The following KIAA1671 variants were observed in gnomAD, a reference collection of about 807,000 sequenced individuals.
KIAA1671 encodes KIAA1671.
A neutral mutation model predicts 131.2 loss-of-function variants in KIAA1671; 52 were observed. The observed-to-expected ratio is 0.40, with a 90% CI of 0.32 to 0.50. KIAA1671 has a LOEUF of 0.50. Ranked by LOEUF, KIAA1671 falls within the 20% of genes least tolerant of loss-of-function variation. KIAA1671 has a pLI of 0.73. For synonymous variants in KIAA1671, 1,003 were observed against 961.6 expected (o/e 1.04, Z -0.80); for missense variants, 2,360 against 2,364.2 (o/e 1.00, Z 0.04).
chr22:25,134,513 T>C (rs1932587916), intron 6 of KIAA1671, among the ~76,000 whole-genome samples: 4 of 152,216 alleles, frequency 2.6e-5, no homozygotes, highest in Non-Finnish European at 4.4e-5. Context: ...CAAAACAAAA[T>C]CATCTCCACA....
intron 1 of KIAA1671, among the ~76,000 whole-genome samples, chr22:24,973,102 G>A (rs771649826): frequency 1.1e-4 from 17 of 152,218 alleles, no homozygotes; most frequent in Non-Finnish European, 2.4e-4. Flanking sequence ...CAGGGAGCAA[G>A]GGGGAGAGGT....
intron 6 of KIAA1671, among the ~76,000 whole-genome samples, chr22:25,071,881 C>G (rs1928849604): frequency 6.6e-6 from 1 of 152,204 alleles, no homozygotes; most frequent in Non-Finnish European, 1.5e-5. Flanking sequence ...CCGCATGGAA[C>G]TTAGTCTGGT....
Position 25,107,424 on chromosome 22 carries a change from A to T in KIAA1671, c.4530+58060A>T, listed in dbSNP as rs1931070506. 2.1e-5 allele frequency among the ~76,000 whole-genome samples: 3 copies of T among 142,186 alleles called. No individual in the cohort carries two copies. The Admixed American group carries it at 2.2e-4, about 10-fold the overall frequency. The allele number at this position is 142,186 out of a possible 152,430, so 93.3% of individuals were successfully genotyped here. On this transcript the variant is annotated intron_variant, in intron 6 of 12. Coordinates refer to ENST00000358431, the MANE Select transcript of KIAA1671 (RefSeq NM_001145206.2). ...AGAGTGAGACTTCGTCTCAAAAAAA[A>T]GTGCTATGTGTGCTTTATAAAAATG... is the stretch of plus-strand genomic sequence containing the variant.
chr22:25,105,292 G>A (rs945798900), intron 6 of KIAA1671, among the ~76,000 whole-genome samples: 1 of 152,084 alleles, frequency 6.6e-6, no homozygotes, highest in African/African-American at 2.4e-5. Flanking sequence ...AAAGTGTTGG[G>A]ATTACGGGCA....
intron 11 of KIAA1671, among the ~76,000 whole-genome samples, chr22:25,189,668 A>T (rs892817584): frequency 3.9e-5 from 6 of 152,236 alleles, no homozygotes; most frequent in African/African-American, 1.4e-4. Flanking sequence ...GATGCATAAA[A>T]CTAACCATCA....
chr22:25,026,374 C>T (rs1435552970), intron 2 of KIAA1671, among the ~76,000 whole-genome samples: 1 of 151,942 alleles, frequency 6.6e-6, no homozygotes, highest in South Asian at 2.1e-4. Flanking sequence ...CCTGGGGGAT[C>T]GAGAACAGCA....
chr22:25,023,944 C>CG (rs1925803926), intron 1 of KIAA1671: 1 of 147,924 alleles, frequency 6.8e-6, no homozygotes, highest in Admixed American at 6.7e-5. Flanking sequence ...AACTCTGTTT[C>CG]AAAAAAAAAA....
At chr22:25,140,950 T>C (rs7291529) in intron 6 of KIAA1671, among the ~76,000 whole-genome samples, 11,213 of 152,126 alleles carry the variant, frequency 0.074, 1,338 homozygotes, top group African/African-American at 0.25. Context: ...AGTAGAGTTA[T>C]TTTTCAGGCT....
At chr22:24,969,995 G>A (rs935441059) in intron 1 of KIAA1671, among the ~76,000 whole-genome samples, 3 of 152,232 alleles carry the variant, frequency 2.0e-5, no homozygotes, top group African/African-American at 7.2e-5. Context: ...GAACTGCTCA[G>A]AACGGGGCTT....
Position 25,090,292 on chromosome 22 carries a change from C to T in KIAA1671, c.4530+40928C>T, listed in dbSNP as rs5996835. On this transcript the variant is annotated intron_variant, in intron 6 of 12. Coordinates refer to ENST00000358431, the MANE Select transcript of KIAA1671 (RefSeq NM_001145206.2). ...CCTGAAGTTCCAGTCTCACCCTGCA[C>T]GTGGCCGGTGTGGTGAGAAGCCCAC... is the stretch of plus-strand genomic sequence containing the variant. Among the ~76,000 whole-genome samples, 486 of 152,368 alleles carry T rather than the reference C, an allele frequency of 3.2e-3. 2 individuals carry two copies. Among genetic ancestry groups the T allele is most frequent in the African/African-American group, 0.011 (461 of 41,582 alleles).
At chr22:25,012,445 G>A (rs1925090349) in intron 1 of KIAA1671, 1 of 151,774 alleles carries the variant, frequency 6.6e-6, no homozygotes, top group Non-Finnish European at 1.5e-5. Context: ...GCTAATTTTT[G>A]TATTTTTAGT....
In KIAA1671 at chr22:25,174,334, A is replaced by C. The variant is rs751101522; in HGVS notation, c.4744A>C (p.Thr1582Pro). The change falls in exon 8 of 13, where the codon ACC becomes CCC. Residue 1582 changes from threonine to proline, a missense_variant. Thr to Pro is a conservative substitution (Grantham distance 38, BLOSUM62 -1). This residue lies in a region of KIAA1671 where 1,161 missense variants were observed against 1,204.7 expected (regional missense o/e 0.96). Coordinates refer to ENST00000358431, the MANE Select transcript of KIAA1671 (RefSeq NM_001145206.2). ...TTCTCTGTCCTCCCAAACGGAGCCC[A>C]CCTCGGCAGGGGACCAGTATGACTG... ...LSSLSSQTEP[T>P]SAGDQYDCSR... 7.7e-6 allele frequency: 12 copies of C among 1,551,824 alleles called. No homozygotes were observed. The highest frequency in any genetic ancestry group is 1.0e-5 in the Non-Finnish European group (12 of 1,147,072).
At chr22:25,091,334 A>G (rs551649391) in intron 6 of KIAA1671, among the ~76,000 whole-genome samples, 1 of 152,278 alleles carries the variant, frequency 6.6e-6, no homozygotes, top group Admixed American at 6.5e-5. Flanking sequence ...CTGGGATTAC[A>G]GGCATGAGCC....
chr22:25,031,151 G>C (rs6004399), intron 3 of KIAA1671, among the ~76,000 whole-genome samples: 21,520 of 149,566 alleles, frequency 0.14, 1,579 homozygotes, highest in South Asian at 0.21. Context: ...CTCAGCCTCC[G>C]CAGTAGCTGG....
rs1451237244 is a variant in KIAA1671 at position 25,195,176 on chromosome 22, C to T, written c.*2775C>T. 1 of 152,050 alleles carries T rather than the reference C, an allele frequency of 6.6e-6. No individual in the cohort carries two copies. Among genetic ancestry groups the T allele is most frequent in the Non-Finnish European group, 1.5e-5 (1 of 68,034 alleles). The allele number at this position is 152,050 out of a possible 1,614,324, so 9.4% of individuals were successfully genotyped here. On this transcript the variant is annotated 3_prime_UTR_variant, in exon 13 of 13. Coordinates refer to ENST00000358431, the MANE Select transcript of KIAA1671 (RefSeq NM_001145206.2). ...CTATATGTACAATCTCTCTCCCCCT[C>T]ATTTCTCTTCCTCCTCACCTCCACC...
intron 1 of KIAA1671, among the ~76,000 whole-genome samples, chr22:24,954,318 C>G (rs1181131642): frequency 1.3e-5 from 2 of 152,112 alleles, no homozygotes; most frequent in Non-Finnish European, 2.9e-5. Context: ...AACGTGTGCA[C>G]CCCCAGACTC....
rs12163187 is a variant in KIAA1671, at chr22:25,030,204, C to T, written c.1541+664C>T. On this transcript the variant is annotated intron_variant, in intron 3 of 12. Transcript: ENST00000358431. ...GCTGGTTAATACCGATGTTCTAAGT[C>T]ATTTGGTTAATAATGATGTTCTAAG... Among the ~76,000 whole-genome samples, 475 of 152,268 alleles carry T rather than the reference C, an allele frequency of 3.1e-3. 29 individuals are homozygous for T. The East Asian group carries it at 0.082, about 26-fold the overall frequency.
chr22:24,973,984 G>C (rs1365566984), intron 1 of KIAA1671, among the ~76,000 whole-genome samples: 2 of 151,926 alleles, frequency 1.3e-5, no homozygotes, highest in African/African-American at 4.8e-5. Context: ...GCCTGGCTCT[G>C]CCCACCCTCT....
chr22:24,954,726 C>G (rs549459088), intron 1 of KIAA1671, among the ~76,000 whole-genome samples: 32 of 152,286 alleles, frequency 2.1e-4, no homozygotes, highest in African/African-American at 6.3e-4. Flanking sequence ...GAAGCTGCCC[C>G]TACCCCCACT....
Sources: allele counts gnomAD v4.1 joint callset (sites outside exome capture counted in the v4.1 genomes callset), GRCh38; gene constraint gnomAD v4.1.1; regional missense constraint gnomAD v4.1.1; transcripts MANE v1.5; gene names NCBI Gene and HGNC (gene_info 2026-07-23, HGNC 2026-07-21).